The following ARHGAP12 variants were observed in gnomAD, a reference collection of about 807,000 sequenced individuals.
The protein encoded by ARHGAP12 is rho GTPase-activating protein 12.
A neutral mutation model predicts 108.6 loss-of-function variants in ARHGAP12; 64 were observed. That is an observed-to-expected ratio of 0.59 (90% CI 0.48 to 0.73). The LOEUF (loss-of-function observed/expected upper bound fraction) is 0.73, where lower values mean the gene tolerates loss of function less well. Among genes scored for constraint, ARHGAP12 ranks in the 30% least tolerant of loss-of-function variants. The pLI is 0.00. For missense variants in ARHGAP12, 940 were observed against 1,005.9 expected (o/e 0.93, Z 0.89); for synonymous variants, 312 against 337.2 (o/e 0.93, Z 0.82).
intron 3 of ARHGAP12, among the ~76,000 whole-genome samples, chr10:31,894,756 T>G (rs1838606817): frequency 6.6e-6 from 1 of 152,034 alleles, no homozygotes; most frequent in Admixed American, 6.6e-5. Flanking sequence ...TACTTTAAAG[T>G]TCATATGGAA....
rs772146467 is a variant in ARHGAP12 at position 31,814,326 on chromosome 10, T to C, written c.1767A>G (p.Ile589Met). Residue 589 changes from isoleucine to methionine, a missense_variant, in exon 14 of 20, where the codon ATA (isoleucine) becomes ATG (methionine). Physicochemically the swap from Ile to Met is conservative, Grantham distance 10 (BLOSUM62 1). Transcript: ENST00000344936. ...GCTTTTCTATTCCTGGTGAATCCGGTATCTCCTCTTCAATTCCTTCATCAG... is the reference window on the plus strand; with the variant it reads ...GCTTTTCTATTCCTGGTGAATCCGGCATCTCCTCTTCAATTCCTTCATCAG... ...VETDEGIEEE[I>M]PDSPGIEKHD... is the part of the protein sequence containing the mutation. 1 of 1,613,972 alleles carries C rather than the reference T, an allele frequency of 6.2e-7. No homozygotes were observed. Among genetic ancestry groups the C allele is most frequent in the Non-Finnish European group, 8.5e-7 (1 of 1,179,980 alleles).
At chr10:31,920,060 C>A (rs1427734299) in intron 1 of ARHGAP12, among the ~76,000 whole-genome samples, 1 of 147,286 alleles carries the variant, frequency 6.8e-6, no homozygotes, top group African/African-American at 2.5e-5. Context: ...GAGCCGAGAT[C>A]GCGCAACTGC....
chr10:31,848,182 G>A (rs977402056), intron 6 of ARHGAP12, among the ~76,000 whole-genome samples: 3 of 152,060 alleles, frequency 2.0e-5, no homozygotes, highest in Non-Finnish European at 2.9e-5. Context: ...CTCAGTTAAC[G>A]ACAGGACAAT....
chr10:31,883,350 A>C (rs1306944159), intron 3 of ARHGAP12, among the ~76,000 whole-genome samples: 4 of 152,228 alleles, frequency 2.6e-5, no homozygotes, highest in African/African-American at 9.6e-5. Context: ...CCCCTTGCCT[A>C]AATTTGCTTC....
chr10:31,805,757 A>C lies in ARHGAP12; in HGVS notation c.*1901T>G, dbSNP rs1319372851. ...GTTCATGAACACCAAGAACAAGAAC[A>C]TCACTGATTTGAGTCTAATTGTTTT... On this transcript the variant is annotated 3_prime_UTR_variant, in exon 20 of 20. Coordinates refer to ENST00000344936, the MANE Select transcript of ARHGAP12 (RefSeq NM_018287.7). 1 of 152,154 alleles carries C rather than the reference A, an allele frequency of 6.6e-6. No individual in the cohort carries two copies. Among genetic ancestry groups the C allele is most frequent in the Non-Finnish European group, 1.5e-5 (1 of 68,026 alleles). 9.4% of individuals were successfully genotyped at this position (152,154 alleles called of 1,614,324 possible).
At chr10:31,880,052 C>T (rs1003209935) in intron 3 of ARHGAP12, among the ~76,000 whole-genome samples, 9 of 152,172 alleles carry the variant, frequency 5.9e-5, no homozygotes, top group African/African-American at 1.7e-4. Context: ...CAAAGATATG[C>T]TCTCTGCTCA....
intron 3 of ARHGAP12, among the ~76,000 whole-genome samples, chr10:31,905,315 C>G (rs938143360): frequency 6.6e-6 from 1 of 152,068 alleles, no homozygotes; most frequent in Admixed American, 6.5e-5. Context: ...AGGCTGGTCT[C>G]AAACTCCTGG....
rs192410666 is a variant in ARHGAP12, at chr10:31,865,482, C to T, written c.685-3824G>A. Among the ~76,000 whole-genome samples the T allele has an allele frequency of 5.9e-5, 9 of 152,128 alleles. No individual in the cohort carries two copies. In the East Asian group the frequency reaches 1.7e-3, roughly 29 times the overall value. ...GAAAGAGAAGGGCAAACAGGAGTTACATTTAGATTGCATTAGGTTGATAAG... is the reference window on the plus strand; with the variant it reads ...GAAAGAGAAGGGCAAACAGGAGTTATATTTAGATTGCATTAGGTTGATAAG... On this transcript the variant is annotated intron_variant, in intron 3 of 19. Transcript: ENST00000344936.
In ARHGAP12 at chr10:31,908,780, C is replaced by T. The variant is rs1423458476; in HGVS notation, c.76G>A (p.Glu26Lys). The change falls in exon 3 of 20, where the codon GAA becomes AAA. Residue 26 changes from glutamate (E) to lysine (K), a missense_variant. By Grantham distance (56) the Glu-to-Lys change is moderately conservative. Coordinates refer to ENST00000344936, the MANE Select transcript of ARHGAP12 (RefSeq NM_018287.7). The part of the protein sequence containing the change: ...YIEVEYDYEY[E>K]AKDRKIVIKQ... ...ATCACAATCTTTCTGTCCTTTGCTT[C>T]ATATTCATAATCATATTCCACCTCA... The T allele has an allele frequency of 6.2e-7, 1 of 1,612,188 alleles. No homozygotes were observed.
At chr10:31,833,477 G>A (rs1164254736) in intron 9 of ARHGAP12, among the ~76,000 whole-genome samples, 1 of 152,074 alleles carries the variant, frequency 6.6e-6, no homozygotes, top group East Asian at 1.9e-4. Flanking sequence ...CCAAATCAAC[G>A]GATAGACTGA....
intron 7 of ARHGAP12, among the ~76,000 whole-genome samples, chr10:31,841,893 T>A (rs1836283230): frequency 6.6e-6 from 1 of 152,070 alleles, no homozygotes; most frequent in Non-Finnish European, 1.5e-5. Context: ...CCTAAAATAC[T>A]GCCTTATGTT....
chr10:31,877,811 G>T (rs535272949), intron 3 of ARHGAP12, among the ~76,000 whole-genome samples: 1 of 152,204 alleles, frequency 6.6e-6, no homozygotes, highest in African/African-American at 2.4e-5. Flanking sequence ...TTTAAAACCA[G>T]TTGGGTGAGG....
intron 6 of ARHGAP12, among the ~76,000 whole-genome samples, chr10:31,847,122 A>G (rs1836491807): frequency 6.6e-6 from 1 of 151,660 alleles, no homozygotes; most frequent in African/African-American, 2.4e-5. Flanking sequence ...ACTTATCTCA[A>G]GTGTGTTTAT....
rs12267440 is a variant in ARHGAP12, at chr10:31,831,862, C to T, written c.1387-62G>A. The T allele has an allele frequency of 0.012, 12,304 of 1,015,656 alleles. 986 individuals carry two copies. The African/African-American group carries it at 0.17, about 14-fold the overall frequency. 62.9% of individuals were successfully genotyped at this position (1,015,656 alleles called of 1,614,324 possible). ...AGACAATGAGGTCCAAGTTCTTACA[C>T]ATGACTGAACCAACATGGTCTCGTT... On this transcript the variant is annotated intron_variant, in intron 9 of 19. Coordinates refer to ENST00000344936, the MANE Select transcript of ARHGAP12 (RefSeq NM_018287.7).
At chr10:31,862,588 C>T (rs1204961518) in intron 3 of ARHGAP12, among the ~76,000 whole-genome samples, 1 of 152,128 alleles carries the variant, frequency 6.6e-6, no homozygotes, top group African/African-American at 2.4e-5. Context: ...AACCCTAGCA[C>T]CACTGACATT....
chr10:31,869,453 C>G (rs1038654924), intron 3 of ARHGAP12, among the ~76,000 whole-genome samples: 1 of 152,028 alleles, frequency 6.6e-6, no homozygotes. Flanking sequence ...AGGAGAATTG[C>G]GTGAACCTGG....
At chr10:31,919,415 T>C (rs1405952699) in intron 1 of ARHGAP12, among the ~76,000 whole-genome samples, 1 of 152,204 alleles carries the variant, frequency 6.6e-6, no homozygotes, top group Non-Finnish European at 1.5e-5. Flanking sequence ...CACTGTAGTA[T>C]ACAATTTAAA....
At chr10:31,925,476 T>G (rs1225171876) in intron 1 of ARHGAP12, among the ~76,000 whole-genome samples, 1 of 152,230 alleles carries the variant, frequency 6.6e-6, no homozygotes, top group African/African-American at 2.4e-5. Context: ...TTTGTCATAT[T>G]CAATCAACCA....
At chr10:31,883,485 T>C (rs932849148) in intron 3 of ARHGAP12, among the ~76,000 whole-genome samples, 2 of 152,158 alleles carry the variant, frequency 1.3e-5, no homozygotes, top group Non-Finnish European at 2.9e-5. Flanking sequence ...AGAACTAACA[T>C]AGTAGAGGTA....
Sources: gnomAD v4.1 joint callset for allele counts (sites outside exome capture counted in the v4.1 genomes callset) on GRCh38, gnomAD v4.1.1 for gene constraint, MANE v1.5 for transcripts, NCBI Gene and HGNC (gene_info 2026-07-23, HGNC 2026-07-21) for gene names.